Variants in CACNA1B observed in about 807,000 individuals in gnomAD.
CACNA1B encodes the protein calcium voltage-gated channel subunit alpha1 B.
Under a neutral mutation model 247.2 loss-of-function variants are expected in CACNA1B, and 70 were observed. That is an observed-to-expected ratio of 0.28 (90% CI 0.23 to 0.35). CACNA1B has a LOEUF of 0.35. CACNA1B is among the 10% of genes least tolerant of loss of function. CACNA1B has a pLI of 1.00. For synonymous variants in CACNA1B, 1,231 were observed against 1,294.4 expected (o/e 0.95, Z 1.05); for missense variants, 2,367 against 3,197.4 (o/e 0.74, Z 6.26).
At chr9:138,103,423 A>G (rs1479356916) in intron 38 of CACNA1B, among the ~76,000 whole-genome samples, 6 of 152,120 alleles carry the variant, frequency 3.9e-5, no homozygotes, top group African/African-American at 1.2e-4. Flanking sequence ...GCATCTTGCT[A>G]TTATTCCTGG....
At position 138,115,533 on chromosome 9, in the gene CACNA1B, C is replaced by T. The variant is rs1224071425; in HGVS notation, c.5650-19C>T. On this transcript the variant is annotated intron_variant, in intron 41 of 46. Coordinates refer to ENST00000371372, the MANE Select transcript of CACNA1B (RefSeq NM_000718.4). Reference sequence around the variant, plus strand: ...CAGGCCCATTGGAGCTCTTTCCCTTCCCTTTGCCTCCTTTGCAGATGGGTC... The same window carrying T: ...CAGGCCCATTGGAGCTCTTTCCCTTTCCTTTGCCTCCTTTGCAGATGGGTC... The T allele has an allele frequency of 6.2e-7, 1 of 1,609,018 alleles. No homozygotes were observed. Among genetic ancestry groups the T allele is most frequent in the Non-Finnish European group, 8.5e-7 (1 of 1,177,732 alleles).
In CACNA1B at chr9:137,881,326, G is replaced by A. The variant is rs987815105; in HGVS notation, c.391-1418G>A. 2.0e-5 allele frequency among the ~76,000 whole-genome samples: 3 copies of A among 152,276 alleles called. No homozygotes were observed. The highest frequency in any genetic ancestry group is 7.2e-5 in the African/African-American group (3 of 41,570). On this transcript the variant is annotated intron_variant, in intron 2 of 46. Coordinates refer to ENST00000371372, the MANE Select transcript of CACNA1B (RefSeq NM_000718.4). The surrounding 1 kb of genome is among the most constrained non-coding windows in gnomAD (Gnocchi z 4.3). ...ACCAGGTACTGCCAGCCAAGCCTTG[G>A]GCCAGCTCCACCACAGGACAGGAGG...
chr9:138,001,469 C>T (rs1319261338), intron 15 of CACNA1B, among the ~76,000 whole-genome samples: 1 of 141,416 alleles, frequency 7.1e-6, no homozygotes, highest in Non-Finnish European at 1.5e-5. Context: ...CCCAATAATG[C>T]TGTTATTTAA....
chr9:138,050,186 C>CT lies in CACNA1B; in HGVS notation c.3710+874dup. The stretch of plus-strand genomic sequence containing the variant: ...TCCAGCCTCACCCCCCGCCCATCCA[C>CT]TTTCACCCCATCGGGGCTGCATGCT... On this transcript the variant is annotated intron_variant, in intron 24 of 46. Transcript: ENST00000371372. The surrounding 1 kb of genome is among the most constrained non-coding windows in gnomAD (Gnocchi z 5.2). The CT allele has an allele frequency of 1.1e-6, 1 of 889,788 alleles. No individual in the cohort carries two copies. Among genetic ancestry groups the CT allele is most frequent in the East Asian group, 6.2e-5 (1 of 16,194 alleles). The allele number at this position is 889,788 out of a possible 1,614,324, so 55.1% of individuals were successfully genotyped here.
At position 138,053,822 on chromosome 9, in the gene CACNA1B, A is replaced by G. The variant is rs199600731; in HGVS notation, c.3808-24A>G. The G allele has an allele frequency of 1.0e-5, 16 of 1,544,198 alleles. No individual in the cohort carries two copies. In the African/African-American group the frequency reaches 2.3e-4, roughly 22 times the overall value. Reference sequence around the variant, plus strand: ...CCCACCATGATTCCACCCCCTCATCATGGCTCCACCCCTCCTCCTGCAGGC... The same window carrying G: ...CCCACCATGATTCCACCCCCTCATCGTGGCTCCACCCCTCCTCCTGCAGGC... On this transcript the variant is annotated intron_variant, in intron 25 of 46. Coordinates refer to ENST00000371372, the MANE Select transcript of CACNA1B (RefSeq NM_000718.4).
intron 13 of CACNA1B, 111 bp downstream of exon 13, chr9:137,984,361 G>A: frequency 2.7e-6 from 2 of 746,778 alleles, no homozygotes; most frequent in Non-Finnish European, 2.3e-6. Context: ...AGCTCTCTCT[G>A]TGGCTTATAG....
In CACNA1B at chr9:137,955,560, G is replaced by T. The variant is rs1210218081; in HGVS notation, c.1071-138G>T. The T allele has an allele frequency of 7.9e-6, 5 of 630,830 alleles. No homozygotes were observed. The highest frequency in any genetic ancestry group is 2.9e-5 in the Admixed American group (1 of 34,338). 39.1% of individuals were successfully genotyped at this position (630,830 alleles called of 1,614,324 possible). ...GCTCAGGTTAGAAGAGGCCTGGGTG[G>T]CAGGGGCCTGCCTGAAGCAGCAGCC... On this transcript the variant is annotated intron_variant, in intron 7 of 46. Coordinates refer to ENST00000371372, the MANE Select transcript of CACNA1B (RefSeq NM_000718.4). The surrounding 1 kb of genome is among the most constrained non-coding windows in gnomAD (Gnocchi z 6.9).
chr9:137,905,386 T>C (rs1957287622), intron 3 of CACNA1B, among the ~76,000 whole-genome samples: 1 of 152,110 alleles, frequency 6.6e-6, no homozygotes, highest in Non-Finnish European at 1.5e-5. Context: ...ATTCAACTTA[T>C]GAAAAATTAT....
At chr9:138,035,235 G>C (rs1384117346) in intron 20 of CACNA1B, among the ~76,000 whole-genome samples, 1 of 152,218 alleles carries the variant, frequency 6.6e-6, no homozygotes, top group African/African-American at 2.4e-5. Flanking sequence ...AAGGCTGGTG[G>C]ATCACTTGAG....
intron 3 of CACNA1B, among the ~76,000 whole-genome samples, chr9:137,901,455 A>AGCT (rs1185034567): frequency 6.6e-6 from 1 of 152,022 alleles, no homozygotes; most frequent in Non-Finnish European, 1.5e-5. Flanking sequence ...CCTCCTAAGT[A>AGCT]GCTGGGATTA....
Position 138,058,813 on chromosome 9 carries a change from C to A in CACNA1B, c.4473+80C>A. ...ACCCTGAGGCTGAGTGGAGAGTCAG[C>A]CTTCTTCCTCCCTGCATGAGCCAAA... On this transcript the variant is annotated intron_variant, in intron 29 of 46. Coordinates refer to ENST00000371372, the MANE Select transcript of CACNA1B (RefSeq NM_000718.4). This position sits in a 1 kb window ranked among gnomAD's most constrained non-coding sequence, Gnocchi z 4.7. 7.7e-7 allele frequency: 1 copy of A among 1,305,252 alleles called. No homozygotes were observed. The highest frequency in any genetic ancestry group is 1.1e-6 in the Non-Finnish European group (1 of 933,156). The allele number at this position is 1,305,252 out of a possible 1,614,324, so 80.9% of individuals were successfully genotyped here. A position where few individuals can be genotyped will look rare whatever the true frequency, so the allele number is the denominator to read the frequency against.
chr9:137,901,954 G>T (rs538808168), intron 3 of CACNA1B, among the ~76,000 whole-genome samples: 13 of 152,124 alleles, frequency 8.5e-5, no homozygotes, highest in African/African-American at 3.1e-4. Context: ...ACCTCCCAAA[G>T]TGCTGGGATT....
At chr9:137,984,290 T>C in intron 13 of CACNA1B, 40 bp downstream of exon 13, 2 of 1,431,044 alleles carry the variant, frequency 1.4e-6, no homozygotes, top group Non-Finnish European at 1.9e-6. Flanking sequence ...AGGTGTAGGG[T>C]GGAGAGGGCG....
In CACNA1B at chr9:138,118,699, G is replaced by A. The variant is rs1376874291; in HGVS notation, c.5961G>A (p.Gly1987=). Residue 1987 remains glycine (G), a synonymous_variant, in exon 44 of 47, where the codon GGG becomes GGA. Coordinates refer to ENST00000371372, the MANE Select transcript of CACNA1B (RefSeq NM_000718.4). ...GCATAACCCGGAGGGGCCCTGATGG[G>A]GAGCCCCAGCCTGGGCTGGAGAGCC... ...MQSITRRGPD[G]EPQPGLESQG... 6.4e-7 allele frequency: 1 copy of A among 1,567,326 alleles called. No individual in the cohort carries two copies. Among genetic ancestry groups the A allele is most frequent in the South Asian group, 1.2e-5 (1 of 85,042 alleles).
In CACNA1B at chr9:137,974,782, G is replaced by A. The variant is rs1185929404; in HGVS notation, c.1544-1125G>A. On this transcript the variant is annotated intron_variant, in intron 11 of 46. Coordinates refer to ENST00000371372, the MANE Select transcript of CACNA1B (RefSeq NM_000718.4). This position sits in a 1 kb window ranked among gnomAD's most constrained non-coding sequence, Gnocchi z 4.5. ...GCCGAGCTGGACTCTGCCCAGTTGTGGACTCTCAGGGGCCTGCCCTTCATG... is the reference window on the plus strand; with the variant it reads ...GCCGAGCTGGACTCTGCCCAGTTGTAGACTCTCAGGGGCCTGCCCTTCATG... Among the ~76,000 whole-genome samples the A allele has an allele frequency of 6.6e-6, 1 of 152,210 alleles. No individual in the cohort carries two copies. The highest frequency in any genetic ancestry group is 2.4e-5 in the African/African-American group (1 of 41,464).
rs939256408 is a variant in CACNA1B, at chr9:138,072,019, C to A, written c.4675-1469C>A. On this transcript the variant is annotated intron_variant, in intron 32 of 46. Coordinates refer to ENST00000371372, the MANE Select transcript of CACNA1B (RefSeq NM_000718.4). The surrounding 1 kb of genome is among the most constrained non-coding windows in gnomAD (Gnocchi z 4.5). Reference sequence around the variant, plus strand: ...CTGTGGGTCCTCGTGGCCCAGAGTTCTTGGCCATCTTGTCTACCGTGGAGA... The same window carrying A: ...CTGTGGGTCCTCGTGGCCCAGAGTTATTGGCCATCTTGTCTACCGTGGAGA... Among the ~76,000 whole-genome samples the A allele has an allele frequency of 6.6e-6, 1 of 152,070 alleles. No individual in the cohort carries two copies. Among genetic ancestry groups the A allele is most frequent in the Non-Finnish European group, 1.5e-5 (1 of 68,024 alleles).
At chr9:137,927,807 CTCTAT>C (rs1957568241) in intron 6 of CACNA1B, among the ~76,000 whole-genome samples, 1 of 152,080 alleles carries the variant, frequency 6.6e-6, no homozygotes, top group Non-Finnish European at 1.5e-5. Flanking sequence ...GGCAGTTCTA[CTCTAT>C]TCTATTCTTA....
At chr9:137,926,310 C>T (rs1957551234) in intron 6 of CACNA1B, among the ~76,000 whole-genome samples, 2 of 152,096 alleles carry the variant, frequency 1.3e-5, no homozygotes, top group South Asian at 2.1e-4. Context: ...CCTCGTGATC[C>T]ACCTGCCTCA....
intron 15 of CACNA1B, among the ~76,000 whole-genome samples, chr9:137,993,164 AAGAAG>A (rs1178316348): frequency 6.6e-6 from 1 of 152,104 alleles, no homozygotes; most frequent in African/African-American, 2.4e-5. Context: ...AACCCACCAG[AAGAAG>A]AGAAGTAATG....
Sources: gnomAD v4.1 joint callset for allele counts (sites outside exome capture counted in the v4.1 genomes callset) on GRCh38, gnomAD v4.1.1 for gene constraint, Gnocchi (gnomAD v3.1) non-coding constraint, MANE v1.5 for transcripts, NCBI Gene and HGNC (gene_info 2026-07-23, HGNC 2026-07-21) for gene names.